Variants in GRM1 observed in about 807,000 individuals in gnomAD.
GRM1 encodes the protein glutamate metabotropic receptor 1, also known as metabotropic glutamate receptor 1.
GRM1 carries 33 observed loss-of-function variants against 90.9 expected under a neutral mutation model. That is an observed-to-expected ratio of 0.36 (90% CI 0.28 to 0.49). The LOEUF (loss-of-function observed/expected upper bound fraction) is 0.49, where lower values mean the gene tolerates loss of function less well. Ranked by LOEUF, GRM1 falls within the 20% of genes least tolerant of loss-of-function variation. The pLI, the probability that GRM1 is intolerant of heterozygous loss-of-function variation, is 0.99. For missense variants in GRM1, 1,190 were observed against 1,534.3 expected (o/e 0.78, Z 3.75); for synonymous variants, 700 against 613.2 (o/e 1.14, Z -2.09).
intron 3 of GRM1, among the ~76,000 whole-genome samples, chr6:146,338,027 A>C (rs908948001): frequency 6.6e-6 from 1 of 152,190 alleles, no homozygotes; most frequent in Non-Finnish European, 1.5e-5. Context: ...AATATGGATC[A>C]AGAGTCTAAA....
At chr6:146,373,240 G>A (rs954371903) in intron 5 of GRM1, among the ~76,000 whole-genome samples, 2 of 152,048 alleles carry the variant, frequency 1.3e-5, no homozygotes, top group Admixed American at 1.3e-4. Flanking sequence ...TTCTCCCACT[G>A]CTATAAAGAA....
Position 146,365,294 on chromosome 6 carries a change from A to G in GRM1, c.1602+7600A>G, listed in dbSNP as rs910348644. 55 of 152,210 alleles carry G rather than the reference A, an allele frequency of 3.6e-4. 1 individual carries two copies. The allele number at this position is 152,210 out of a possible 1,614,324, so 9.4% of individuals were successfully genotyped here. On this transcript the variant is annotated intron_variant, in intron 5 of 7. Coordinates refer to ENST00000282753, the MANE Select transcript of GRM1 (RefSeq NM_001278064.2). The stretch of plus-strand genomic sequence containing the variant: ...GGGGAAACTTTGCAAACACAGTCAT[A>G]GTGAAAAATTCCATGGAAATATCAT...
At chr6:146,117,283 C>A (rs1018126072) in intron 1 of GRM1, among the ~76,000 whole-genome samples, 12 of 151,068 alleles carry the variant, frequency 7.9e-5, no homozygotes, top group African/African-American at 2.7e-4. Context: ...AAATATTTAT[C>A]TTTCTATATA....
chr6:146,135,545 T>A (rs997954312), intron 1 of GRM1, among the ~76,000 whole-genome samples: 2 of 152,152 alleles, frequency 1.3e-5, no homozygotes, highest in Non-Finnish European at 2.9e-5. Flanking sequence ...ACTTCACATA[T>A]AAGAACACTG....
intron 2 of GRM1, among the ~76,000 whole-genome samples, chr6:146,219,014 G>A (rs1276349644): frequency 6.6e-6 from 1 of 152,066 alleles, no homozygotes; most frequent in East Asian, 1.9e-4. Flanking sequence ...TTATGTTTTA[G>A]AAATGATTTT....
At chr6:146,038,273 T>C (rs1197176225) in intron 1 of GRM1, among the ~76,000 whole-genome samples, 1 of 151,862 alleles carries the variant, frequency 6.6e-6, no homozygotes, top group Non-Finnish European at 1.5e-5. Context: ...AGAAGTGGTA[T>C]GGAGTGGATA....
chr6:146,369,582 T>A (rs1403448390), intron 5 of GRM1, among the ~76,000 whole-genome samples: 1 of 152,074 alleles, frequency 6.6e-6, no homozygotes, highest in Non-Finnish European at 1.5e-5. Flanking sequence ...GACCTATTGG[T>A]CATTCAGTAG....
chr6:146,168,588 A>T (rs1345543907), intron 2 of GRM1, among the ~76,000 whole-genome samples: 2 of 151,746 alleles, frequency 1.3e-5, no homozygotes, highest in African/African-American at 2.4e-5. Flanking sequence ...CATTTGGATT[A>T]TTTTTTTTCT....
At chr6:146,301,668 C>T (rs2114917086) in intron 2 of GRM1, among the ~76,000 whole-genome samples, 2 of 152,168 alleles carry the variant, frequency 1.3e-5, no homozygotes, top group East Asian at 3.9e-4. Context: ...AATATTTACC[C>T]TTAGACAGAA....
At chr6:146,277,696 T>C (rs150604614) in intron 2 of GRM1, among the ~76,000 whole-genome samples, 2 of 152,312 alleles carry the variant, frequency 1.3e-5, no homozygotes, top group African/African-American at 2.4e-5. Context: ...TCTGTATCCA[T>C]TTGTTACAAT....
chr6:146,369,164 G>A (rs1012633736), intron 5 of GRM1, among the ~76,000 whole-genome samples: 25 of 151,876 alleles, frequency 1.6e-4, no homozygotes, highest in African/African-American at 6.0e-4. Flanking sequence ...CTGTATTTCT[G>A]TGGTATCAAT....
At chr6:146,051,435 T>C (rs945115163) in intron 1 of GRM1, among the ~76,000 whole-genome samples, 1 of 152,060 alleles carries the variant, frequency 6.6e-6, no homozygotes, top group Non-Finnish European at 1.5e-5. Context: ...TAGCACATAA[T>C]TTACTGATAA....
intron 2 of GRM1, among the ~76,000 whole-genome samples, chr6:146,161,271 ACCTGTG>A (rs1362282353): frequency 6.6e-6 from 1 of 152,108 alleles, no homozygotes; most frequent in Non-Finnish European, 1.5e-5. Flanking sequence ...GATGTGGCAA[ACCTGTG>A]AGCTTCGGGG....
intron 2 of GRM1, among the ~76,000 whole-genome samples, chr6:146,222,773 G>T (rs1780114201): frequency 6.6e-6 from 1 of 152,004 alleles, no homozygotes; most frequent in Admixed American, 6.6e-5. Flanking sequence ...CAGTGAAGTT[G>T]ACACATAAAA....
intron 2 of GRM1, among the ~76,000 whole-genome samples, chr6:146,168,525 C>T (rs1280849067): frequency 3.3e-5 from 5 of 151,832 alleles, no homozygotes; most frequent in Admixed American, 6.6e-5. Flanking sequence ...TATATTTACC[C>T]GTATAAAAAC....
chr6:146,167,823 C>G (rs950458410), intron 2 of GRM1, among the ~76,000 whole-genome samples: 2 of 151,958 alleles, frequency 1.3e-5, no homozygotes, highest in Non-Finnish European at 2.9e-5. Context: ...AATATTTTCT[C>G]TCAATATGTG....
At position 146,040,707 on chromosome 6, in the gene GRM1, A is replaced by G. The variant is rs1214434854; in HGVS notation, c.700+10490A>G. Among the ~76,000 whole-genome samples, 12 of 151,842 alleles carry G rather than the reference A, an allele frequency of 7.9e-5. No homozygotes were observed. The East Asian group carries it at 2.3e-3, about 29-fold the overall frequency. ...ATCAACTTTTGAAAGTTTCATTATT[A>G]TATGCCTTGGGGTAGTCTTATTTGG... On this transcript the variant is annotated intron_variant, in intron 1 of 7. Coordinates refer to ENST00000282753, the MANE Select transcript of GRM1 (RefSeq NM_001278064.2).
At position 146,304,907 on chromosome 6, in the gene GRM1, A is replaced by C. The variant is rs1473513728; in HGVS notation, c.1186+61A>C. 5 of 1,160,174 alleles carry C rather than the reference A, an allele frequency of 4.3e-6. No homozygotes were observed. The African/African-American group carries it at 6.0e-5, about 14-fold the overall frequency. The allele number at this position is 1,160,174 out of a possible 1,614,324, so 71.9% of individuals were successfully genotyped here. On this transcript the variant is annotated intron_variant, in intron 3 of 7. Coordinates refer to ENST00000282753, the MANE Select transcript of GRM1 (RefSeq NM_001278064.2). ...TGGTCATCTCTTCTAGATTTATTGC[A>C]ACTTGTTGAATGAGAATAGAAGGTG...
At position 146,399,783 on chromosome 6, in the gene GRM1, C is replaced by T; in HGVS notation, c.2660+84C>T. 1.1e-6 allele frequency: 1 copy of T among 903,246 alleles called. No homozygotes were observed. Among genetic ancestry groups the T allele is most frequent in the Admixed American group, 2.0e-5 (1 of 50,166 alleles). The allele number at this position is 903,246 out of a possible 1,614,324, so 56.0% of individuals were successfully genotyped here. A position where few individuals can be genotyped will look rare whatever the true frequency, so the allele number is the denominator to read the frequency against. On this transcript the variant is annotated intron_variant, in intron 7 of 7. Coordinates refer to ENST00000282753, the MANE Select transcript of GRM1 (RefSeq NM_001278064.2). This position sits in a 1 kb window ranked among gnomAD's most constrained non-coding sequence, Gnocchi z 5.4. The stretch of plus-strand genomic sequence containing the variant: ...TCTCTCTCTCTCTCTCTTTCTCTGT[C>T]TCTCATATCTTCCTCTAGTTTTCTG...
Sources: gnomAD v4.1 joint callset for allele counts (sites outside exome capture counted in the v4.1 genomes callset) on GRCh38, gnomAD v4.1.1 for gene constraint, Gnocchi (gnomAD v3.1) non-coding constraint, MANE v1.5 for transcripts, NCBI Gene and HGNC (gene_info 2026-07-23, HGNC 2026-07-21) for gene names.